The following DOCK2 variants were observed in gnomAD, a reference collection of about 807,000 sequenced individuals.
DOCK2 encodes the protein dedicator of cytokinesis protein 2.
A neutral mutation model predicts 248.9 loss-of-function variants in DOCK2; 87 were observed. The observed-to-expected ratio is 0.35, with a 90% CI of 0.29 to 0.42. The LOEUF (loss-of-function observed/expected upper bound fraction) is 0.42, where lower values mean the gene tolerates loss of function less well. Among genes scored for constraint, DOCK2 ranks in the 10% least tolerant of loss-of-function variants. DOCK2 has a pLI of 1.00. For synonymous variants in DOCK2, 805 were observed against 821.6 expected (o/e 0.98, Z 0.35); for missense variants, 1,747 against 2,300.2 (o/e 0.76, Z 4.92).
chr5:169,696,513 C>A (rs910362080), intron 10 of DOCK2, among the ~76,000 whole-genome samples: 2 of 152,190 alleles, frequency 1.3e-5, no homozygotes, highest in South Asian at 4.1e-4. Context: ...GTTTGACTAC[C>A]ACTTGTACTG....
chr5:169,702,471 G>A lies in DOCK2; in HGVS notation c.1383+44G>A, dbSNP rs371988704. The stretch of plus-strand genomic sequence containing the variant: ...CTCTGGGTGACAGGGTCCGCCTTGG[G>A]GGCCTCTGCTTGTAAAGACGTACTT... On this transcript the variant is annotated intron_variant, in intron 14 of 51. Transcript: ENST00000520908. The A allele has an allele frequency of 7.1e-4, 1,145 of 1,607,658 alleles. 27 individuals carry two copies. In the South Asian group the frequency reaches 0.011, roughly 15 times the overall value.
intron 1 of DOCK2, among the ~76,000 whole-genome samples, chr5:169,643,549 T>C (rs1321456033): frequency 2.0e-5 from 3 of 152,162 alleles, no homozygotes; most frequent in Non-Finnish European, 4.4e-5. Flanking sequence ...CCTGCTCCTG[T>C]GAGAATCGAA....
intron 14 of DOCK2, among the ~76,000 whole-genome samples, chr5:169,704,965 C>T (rs1051593050): frequency 7.9e-5 from 12 of 152,162 alleles, no homozygotes; most frequent in African/African-American, 2.7e-4. Flanking sequence ...AGTTTGAGAC[C>T]AGCCTGGCCA....
chr5:169,728,771 T>C (rs1312880713), intron 22 of DOCK2, among the ~76,000 whole-genome samples: 1 of 152,140 alleles, frequency 6.6e-6, no homozygotes, highest in African/African-American at 2.4e-5. Flanking sequence ...GGTGTAATCC[T>C]AGACTGACTT....
intron 23 of DOCK2, among the ~76,000 whole-genome samples, chr5:169,755,366 C>A (rs1561666003): frequency 6.6e-6 from 1 of 152,006 alleles, no homozygotes; most frequent in East Asian, 1.9e-4. Flanking sequence ...GTATTATACA[C>A]AATATAGGAA....
chr5:169,689,007 A>C (rs1760140924), intron 8 of DOCK2, among the ~76,000 whole-genome samples: 1 of 152,218 alleles, frequency 6.6e-6, no homozygotes, highest in Non-Finnish European at 1.5e-5. Context: ...TTTGCTTAGC[A>C]GATGGGAGAG....
At chr5:169,846,303 C>T (rs1770299763) in intron 27 of DOCK2, among the ~76,000 whole-genome samples, 1 of 152,106 alleles carries the variant, frequency 6.6e-6, no homozygotes, top group Non-Finnish European at 1.5e-5. Context: ...CCACTAAAAT[C>T]ACAGGAACCA....
intron 12 of DOCK2, among the ~76,000 whole-genome samples, chr5:169,699,734 T>A (rs264846): frequency 0.44 from 66,634 of 152,134 alleles, 15,408 homozygotes; most frequent in South Asian, 0.63. Flanking sequence ...GTTTGATTTC[T>A]TTCTTAATCC....
intron 25 of DOCK2, among the ~76,000 whole-genome samples, chr5:169,771,171 G>A (rs1459620454): frequency 1.3e-5 from 2 of 152,206 alleles, no homozygotes; most frequent in Non-Finnish European, 2.9e-5. Flanking sequence ...CATCATCACT[G>A]TCTTCAGTTG....
chr5:169,712,304 C>A, intron 17 of DOCK2, 81 bp downstream of exon 17: 1 of 1,231,084 alleles, frequency 8.1e-7, no homozygotes, highest in Non-Finnish European at 1.2e-6. Flanking sequence ...TAGTGGTCAA[C>A]AGCAGGGACC....
chr5:169,765,161 T>C (rs374939161), intron 25 of DOCK2, among the ~76,000 whole-genome samples: 2 of 152,102 alleles, frequency 1.3e-5, no homozygotes, highest in East Asian at 3.9e-4. Context: ...CAACTTTGAT[T>C]TGACCTGTGA....
chr5:169,740,827 T>G (rs190704900), intron 22 of DOCK2, among the ~76,000 whole-genome samples: 53 of 152,296 alleles, frequency 3.5e-4, no homozygotes, highest in African/African-American at 1.3e-3. Context: ...CCACTGTGTA[T>G]GTGTTTTGTT....
chr5:169,882,932 G>A, intron 27 of DOCK2: 1 of 1,551,978 alleles, frequency 6.4e-7, no homozygotes, highest in Non-Finnish European at 8.7e-7. Context: ...GCTCTTCCTG[G>A]GTGGGCTGGC....
intron 27 of DOCK2, among the ~76,000 whole-genome samples, chr5:169,854,025 T>C (rs1470291141): frequency 2.7e-5 from 4 of 150,856 alleles, no homozygotes; most frequent in Non-Finnish European, 4.4e-5. Flanking sequence ...TTAGTAGAGA[T>C]GGGGTTTCAC....
At chr5:169,967,009 A>G (rs1287406409) in intron 27 of DOCK2, among the ~76,000 whole-genome samples, 2 of 152,238 alleles carry the variant, frequency 1.3e-5, no homozygotes, top group African/African-American at 2.4e-5. Context: ...ACCATATTAT[A>G]TATCCATTCA....
At chr5:169,953,529 G>A (rs1382262534) in intron 27 of DOCK2, among the ~76,000 whole-genome samples, 6 of 152,290 alleles carry the variant, frequency 3.9e-5, no homozygotes, top group African/African-American at 7.2e-5. Flanking sequence ...ATAAAATGCT[G>A]ATGGAGCTGT....
intron 34 of DOCK2, among the ~76,000 whole-genome samples, chr5:170,031,693 C>A (rs541925010): frequency 2.0e-5 from 3 of 152,138 alleles, no homozygotes; most frequent in Non-Finnish European, 2.9e-5. Context: ...TTCTAGAATG[C>A]CACATGTTGA....
chr5:170,041,915 G>A, intron 37 of DOCK2, 98 bp from the exon 38 acceptor site: 3 of 1,402,340 alleles, frequency 2.1e-6, no homozygotes, highest in Admixed American at 4.4e-5. Context: ...AGGACAGGGT[G>A]TGTGTTGGCA....
chr5:169,820,630 A>G (rs1358766035), intron 26 of DOCK2, among the ~76,000 whole-genome samples: 1 of 152,246 alleles, frequency 6.6e-6, no homozygotes, highest in Non-Finnish European at 1.5e-5. Context: ...CGTCACCATC[A>G]TCAAAGATCA....
Sources: gnomAD v4.1 joint callset for allele counts (sites outside exome capture counted in the v4.1 genomes callset) on GRCh38, gnomAD v4.1.1 for gene constraint, MANE v1.5 for transcripts, NCBI Gene and HGNC (gene_info 2026-07-23, HGNC 2026-07-21) for gene names.